Variants in COG6 observed in about 807,000 individuals in gnomAD.
The protein encoded by COG6 is component of oligomeric golgi complex 6.
In COG6, 74 loss-of-function variants were observed where a neutral mutation model predicts 88.8. The ratio of observed to expected loss-of-function variants is 0.83; its 90% CI spans 0.69 to 1.01. The LOEUF is 1.01. Among genes scored for constraint, COG6 ranks in the 50% least tolerant of loss-of-function variants. COG6 has a pLI of 0.00. For missense variants in COG6, 800 were observed against 797.9 expected (o/e 1.00, Z -0.03); for synonymous variants, 286 against 278.7 (o/e 1.03, Z -0.26).
chr13:39,655,784 C>G lies in COG6; in HGVS notation c.58C>G (p.Leu20Val). The change falls in exon 1 of 19, where the codon CTC (leucine) becomes GTC (valine). Residue 20 changes from leucine (L) to valine (V), a missense_variant. Physicochemically the swap from Leu to Val is conservative, Grantham distance 32. Transcript: ENST00000455146. ...GTCTGCGACCGGGGCTGCCAACGGC[C>G]TCAACAATGGGGCAGGCGGGACCTC... ...AVSATGAANGLNNGAGGTSAT... is the reference protein window; with the variant it reads ...AVSATGAANGVNNGAGGTSAT... 4 of 1,597,726 alleles carry G rather than the reference C, an allele frequency of 2.5e-6. No homozygotes were observed. The highest frequency in any genetic ancestry group is 3.4e-6 in the Non-Finnish European group (4 of 1,172,482).
chr13:39,721,784 T>G (rs1878864641), intron 15 of COG6, among the ~76,000 whole-genome samples: 3 of 152,088 alleles, frequency 2.0e-5, no homozygotes, highest in African/African-American at 7.2e-5. Context: ...CTTATATAGC[T>G]TCTTCCAGTG....
rs185462535 is a variant in COG6, at chr13:39,672,220, T to C, written c.429-5248T>C. Reference sequence around the variant, plus strand: ...TTTTAAGCTGTATTTTGTACAGTTATAATAATACATGTAATTGTAATTCAA... The same window carrying C: ...TTTTAAGCTGTATTTTGTACAGTTACAATAATACATGTAATTGTAATTCAA... On this transcript the variant is annotated intron_variant, in intron 4 of 18. Coordinates refer to ENST00000455146, the MANE Select transcript of COG6 (RefSeq NM_020751.3). 5.3e-5 allele frequency among the ~76,000 whole-genome samples: 8 copies of C among 152,140 alleles called. No homozygotes were observed. The East Asian group carries it at 1.2e-3, about 22-fold the overall frequency.
At chr13:39,704,815 C>A (rs974190330) in intron 13 of COG6, among the ~76,000 whole-genome samples, 2 of 152,056 alleles carry the variant, frequency 1.3e-5, no homozygotes, top group Non-Finnish European at 2.9e-5. Context: ...TGAATGGGCT[C>A]TGATCATTAT....
intron 18 of COG6, among the ~76,000 whole-genome samples, chr13:39,776,756 C>T (rs1393665637): frequency 6.6e-6 from 1 of 152,222 alleles, no homozygotes; most frequent in Non-Finnish European, 1.5e-5. Flanking sequence ...GAATTTACCA[C>T]TTCTGTCGAA....
At chr13:39,727,743 G>A (rs1282248394) in intron 18 of COG6, among the ~76,000 whole-genome samples, 195 bp downstream of exon 18, 2 of 152,040 alleles carry the variant, frequency 1.3e-5, no homozygotes, top group Admixed American at 1.3e-4. Flanking sequence ...ATGTCTATAT[G>A]TCACTCCAAA....
chr13:39,655,900 C>T, intron 1 of COG6, 21 bp downstream of exon 1: 1 of 1,599,728 alleles, frequency 6.3e-7, no homozygotes, highest in Non-Finnish European at 8.5e-7. Context: ...CTGGCGGGGC[C>T]GGAGTCACAG....
At position 39,706,829 on chromosome 13, in the gene COG6, A is replaced by G. The variant is rs1015271828; in HGVS notation, c.1284+7211A>G. ...CTCCCGAGTAGCTGGGGTTACAGGC[A>G]TCCGCCACCATCTCCAACTAATTTT... On this transcript the variant is annotated intron_variant, in intron 13 of 18. Transcript: ENST00000455146. Among the ~76,000 whole-genome samples the G allele has an allele frequency of 7.9e-5, 12 of 151,980 alleles. No individual in the cohort carries two copies. In the East Asian group the frequency reaches 2.4e-3, roughly 30 times the overall value.
chr13:39,758,204 G>A (rs568022881), intron 18 of COG6, among the ~76,000 whole-genome samples: 2 of 131,954 alleles, frequency 1.5e-5, no homozygotes, highest in Admixed American at 8.6e-5. Flanking sequence ...TGGCGACAGA[G>A]CGAGATGCCT....
At chr13:39,786,147 A>C (rs1185649317) in intron 18 of COG6, among the ~76,000 whole-genome samples, 1 of 152,182 alleles carries the variant, frequency 6.6e-6, no homozygotes, top group Non-Finnish European at 1.5e-5. Context: ...GCAGGCTAGC[A>C]AAGGAAGCTA....
At chr13:39,718,917 T>TA (rs1354251120) in intron 13 of COG6, among the ~76,000 whole-genome samples, 1 of 152,088 alleles carries the variant, frequency 6.6e-6, no homozygotes, top group Non-Finnish European at 1.5e-5. Context: ...TGATTTGGGC[T>TA]AAAAAATAAA....
intron 8 of COG6, among the ~76,000 whole-genome samples, chr13:39,685,603 T>C (rs1217485345): frequency 6.6e-6 from 1 of 152,106 alleles, no homozygotes. Flanking sequence ...TAGTAGGGTC[T>C]TGGGAATGAG....
intron 4 of COG6, among the ~76,000 whole-genome samples, chr13:39,668,268 C>A (rs566744030): frequency 6.6e-6 from 1 of 152,110 alleles, no homozygotes; most frequent in East Asian, 1.9e-4. Context: ...GCTCAGGATT[C>A]GGCCCTTTTA....
chr13:39,724,864 T>A (rs754875212), intron 17 of COG6, among the ~76,000 whole-genome samples: 10 of 151,970 alleles, frequency 6.6e-5, no homozygotes, highest in Non-Finnish European at 1.3e-4. Flanking sequence ...ATGACAGATA[T>A]GAAGAAATTA....
chr13:39,665,192 T>C, intron 4 of COG6, 38 bp downstream of exon 4: 1 of 1,058,496 alleles, frequency 9.4e-7, no homozygotes, highest in Non-Finnish European at 1.5e-6. Flanking sequence ...TTCAATAATT[T>C]GGAGATTGGA....
chr13:39,759,022 A>T (rs1880932410), intron 18 of COG6, among the ~76,000 whole-genome samples: 1 of 152,202 alleles, frequency 6.6e-6, no homozygotes, highest in Admixed American at 6.5e-5. Context: ...AGAATAGGCA[A>T]ATCCACAGAG....
intron 11 of COG6, among the ~76,000 whole-genome samples, chr13:39,690,996 A>G (rs981862561): frequency 3.9e-5 from 6 of 151,906 alleles, no homozygotes; most frequent in Admixed American, 2.0e-4. Flanking sequence ...TTATAACTTC[A>G]TATAGTTAAA....
chr13:39,685,825 A>T (rs1397101219), intron 8 of COG6, among the ~76,000 whole-genome samples: 1 of 152,148 alleles, frequency 6.6e-6, no homozygotes, highest in African/African-American at 2.4e-5. Context: ...CAAGGCAATT[A>T]TGCAATTTAG....
chr13:39,772,949 A>G (rs1160251234), intron 18 of COG6, among the ~76,000 whole-genome samples: 1 of 152,176 alleles, frequency 6.6e-6, no homozygotes, highest in African/African-American at 2.4e-5. Flanking sequence ...ATTTTGGATC[A>G]CCAATTTGGG....
At chr13:39,724,105 ATTCT>A (rs911608476) in intron 16 of COG6, among the ~76,000 whole-genome samples, 3 of 152,076 alleles carry the variant, frequency 2.0e-5, no homozygotes, top group African/African-American at 7.2e-5. Context: ...CAACTTTTCA[ATTCT>A]TTCTTTGCTG....
Sources: gnomAD v4.1 joint callset for allele counts (sites outside exome capture counted in the v4.1 genomes callset) on GRCh38, gnomAD v4.1.1 for gene constraint, MANE v1.5 for transcripts, NCBI Gene and HGNC (gene_info 2026-07-23, HGNC 2026-07-21) for gene names.